DNASE2B: variants seen among roughly 807,000 people sequenced by gnomAD.
The protein encoded by DNASE2B is deoxyribonuclease 2 beta, also known as deoxyribonuclease-2-beta.
In DNASE2B, 43 loss-of-function variants were observed where a neutral mutation model predicts 46.0. The ratio of observed to expected loss-of-function variants is 0.94; its 90% CI spans 0.73 to 1.21. DNASE2B has a LOEUF of 1.21. DNASE2B is among the 50% of genes most tolerant of loss of function. The pLI, the probability that DNASE2B is intolerant of heterozygous loss-of-function variation, is 0.00. For synonymous variants in DNASE2B, 156 were observed against 152.5 expected (o/e 1.02, Z -0.17); for missense variants, 395 against 414.4 (o/e 0.95, Z 0.41).
Position 84,408,504 on chromosome 1 carries a change from A to G in DNASE2B, c.371A>G (p.Tyr124Cys), listed in dbSNP as rs1165542102. 1 of 1,610,460 alleles carries G rather than the reference A, an allele frequency of 6.2e-7. No individual in the cohort carries two copies. Among genetic ancestry groups the G allele is most frequent in the Non-Finnish European group, 8.5e-7 (1 of 1,178,130 alleles). ...AAACCTGTGAATTACAGCAGAAAGT[A>G]TGGACACACCAAAGGTATGACAAAG... is the stretch of plus-strand genomic sequence containing the variant. The part of the protein sequence containing the change: ...VPKPVNYSRK[Y>C]GHTKGLLLWN... The change falls in exon 3 of 6, where the codon TAT becomes TGT. Residue 124 changes from tyrosine to cysteine, a missense_variant. Tyr to Cys is a radical substitution (Grantham distance 194). Transcript: ENST00000370665.
intron 1 of DNASE2B, 46 bp from the exon 2 acceptor site, chr1:84,401,855 A>C: frequency 7.3e-7 from 1 of 1,375,378 alleles, no homozygotes. Context: ...TGCCACAGGA[A>C]AACAGTCAAT....
intron 2 of DNASE2B, among the ~76,000 whole-genome samples, chr1:84,404,877 T>G (rs1306473720): frequency 6.6e-6 from 1 of 152,238 alleles, no homozygotes; most frequent in African/African-American, 2.4e-5. Flanking sequence ...TCAACCCAAC[T>G]GCATTTGCAC....
rs1460826752 is a variant in DNASE2B at position 84,411,036 on chromosome 1, A to C, written c.547+37A>C. 1.9e-6 allele frequency: 3 copies of C among 1,557,566 alleles called. No individual in the cohort carries two copies. The South Asian group carries it at 3.5e-5, about 18-fold the overall frequency. ...GTATGTGAGAAAAAAAACGATAACT[A>C]TGTTGAAGAAATGATTTGGAAATAT... On this transcript the variant is annotated intron_variant, in intron 4 of 5. Coordinates refer to ENST00000370665, the MANE Select transcript of DNASE2B (RefSeq NM_021233.3).
intron 5 of DNASE2B, 100 bp from the exon 6 acceptor site, chr1:84,414,428 A>G (rs1028340401): frequency 2.9e-5 from 29 of 1,008,596 alleles, no homozygotes; most frequent in Non-Finnish European, 3.3e-5. Context: ...TGACATCCAC[A>G]TATCAGGGGT....
At chr1:84,411,104 C>G in intron 4 of DNASE2B, 105 bp downstream of exon 4, 1 of 1,288,078 alleles carries the variant, frequency 7.8e-7, no homozygotes, top group East Asian at 2.5e-5. Flanking sequence ...ATTCATAGAC[C>G]CTCTGATACC....
At chr1:84,410,618 G>A (rs1216782283) in intron 3 of DNASE2B, among the ~76,000 whole-genome samples, 1 of 152,156 alleles carries the variant, frequency 6.6e-6, no homozygotes, top group Non-Finnish European at 1.5e-5. Flanking sequence ...TGGCTACCTT[G>A]GTTCCCTTTT....
chr1:84,410,928 C>T lies in DNASE2B; in HGVS notation c.476C>T (p.Pro159Leu). The T allele has an allele frequency of 1.2e-6, 2 of 1,613,158 alleles. No homozygotes were observed. The highest frequency in any genetic ancestry group is 2.2e-5 in the East Asian group (1 of 44,858). The change falls in exon 4 of 6, where the codon CCA (proline) becomes CTA (leucine). Residue 159 changes from proline to leucine, a missense_variant. Transcript: ENST00000370665. The stretch of plus-strand genomic sequence containing the variant: ...ATTCCGGAAGAAGGCTATGATTATC[C>T]ACCCACAGGGAGACGAAATGGACAA... ...PPIPEEGYDY[P>L]PTGRRNGQSG...
Position 84,414,965 on chromosome 1 carries a change from T to C in DNASE2B, c.*97T>C, listed in dbSNP as rs1352556988. On this transcript the variant is annotated 3_prime_UTR_variant, in exon 6 of 6. Transcript: ENST00000370665. ...ATATTTTAAAGGCCTGTGAATATAC[T>C]TATAACCTGCATATCACAAAATAAA... The C allele has an allele frequency of 6.0e-6, 5 of 830,332 alleles. No individual in the cohort carries two copies. The Admixed American group carries it at 1.5e-4, about 25-fold the overall frequency. The allele number at this position is 830,332 out of a possible 1,614,324, so 51.4% of individuals were successfully genotyped here. A position where few individuals can be genotyped will look rare whatever the true frequency, so the allele number is the denominator to read the frequency against.
At chr1:84,407,306 G>A (rs996236769) in intron 2 of DNASE2B, among the ~76,000 whole-genome samples, 3 of 152,188 alleles carry the variant, frequency 2.0e-5, no homozygotes, top group Admixed American at 6.5e-5. Context: ...TTCAATGCAG[G>A]TTCACAGAGT....
chr1:84,406,809 G>A (rs1436833887), intron 2 of DNASE2B, among the ~76,000 whole-genome samples: 1 of 152,204 alleles, frequency 6.6e-6, no homozygotes, highest in Non-Finnish European at 1.5e-5. Flanking sequence ...AGAGTGAAAT[G>A]CAAGATTAGA....
intron 1 of DNASE2B, among the ~76,000 whole-genome samples, chr1:84,398,920 TCTC>T (rs1391152470): frequency 1.3e-5 from 2 of 152,234 alleles, no homozygotes. Flanking sequence ...GATTCACTGT[TCTC>T]AGCGGGGCAA....
In DNASE2B at chr1:84,412,493, C is replaced by T. The variant is rs770676035; in HGVS notation, c.692C>T (p.Ser231Leu). 2.2e-5 allele frequency: 35 copies of T among 1,613,622 alleles called. No homozygotes were observed. The South Asian group carries it at 3.1e-4, about 14-fold the overall frequency. The change falls in exon 5 of 6, where the codon TCG (serine) becomes TTG (leucine). Residue 231 changes from serine to leucine, a missense_variant. Physicochemically the swap from Ser to Leu is moderately radical, Grantham distance 145. Coordinates refer to ENST00000370665, the MANE Select transcript of DNASE2B (RefSeq NM_021233.3). ...IPGRLLTTLQ[S>L]AQGQKFLHFA... ...GGCAGGCTCCTCACCACACTTCAGT[C>T]GGCCCAGGGACAAAAATTCCTCCAT...
chr1:84,411,391 TCTC>T (rs1340322678), intron 4 of DNASE2B, among the ~76,000 whole-genome samples: 1 of 150,728 alleles, frequency 6.6e-6, no homozygotes, highest in Non-Finnish European at 1.5e-5. Context: ...TGATTACAGA[TCTC>T]CTTATTTCTC....
At chr1:84,414,311 ACAT>A (rs1680654113) in intron 5 of DNASE2B, among the ~76,000 whole-genome samples, 1 of 152,188 alleles carries the variant, frequency 6.6e-6, no homozygotes, top group Non-Finnish European at 1.5e-5. Flanking sequence ...GCAAACACCA[ACAT>A]CATCATAGTA....
At chr1:84,412,607 T>A in intron 5 of DNASE2B, 61 bp downstream of exon 5, 1 of 1,362,406 alleles carries the variant, frequency 7.3e-7, no homozygotes. Context: ...TGACTAGGGA[T>A]AGCTTAGAGA....
At chr1:84,409,766 G>A (rs796514694) in intron 3 of DNASE2B, among the ~76,000 whole-genome samples, 10 of 152,130 alleles carry the variant, frequency 6.6e-5, no homozygotes, top group Admixed American at 4.6e-4. Flanking sequence ...TAAAGAAGTA[G>A]GGCACAATAT....
chr1:84,410,767 G>T, intron 3 of DNASE2B, 71 bp from the exon 4 acceptor site: 2 of 1,455,938 alleles, frequency 1.4e-6, no homozygotes, highest in Admixed American at 2.3e-5. Context: ...CTTAAATGTT[G>T]CCACTGTGAA....
chr1:84,407,125 A>G (rs766230462), intron 2 of DNASE2B, among the ~76,000 whole-genome samples: 1 of 152,168 alleles, frequency 6.6e-6, no homozygotes, highest in Non-Finnish European at 1.5e-5. Context: ...TTTTCCCTTT[A>G]TCAATAGCCT....
chr1:84,411,441 T>G (rs1412206447), intron 4 of DNASE2B, among the ~76,000 whole-genome samples: 3 of 7,088 alleles, frequency 4.2e-4, no homozygotes, highest in Admixed American at 2.9e-3. Flanking sequence ...TGTGTGTGTG[T>G]GTGTGTGTGT....
Sources: gnomAD v4.1 joint callset for allele counts (sites outside exome capture counted in the v4.1 genomes callset) on GRCh38, gnomAD v4.1.1 for gene constraint, MANE v1.5 for transcripts, NCBI Gene and HGNC (gene_info 2026-07-23, HGNC 2026-07-21) for gene names.